DPP10: variants seen among roughly 807,000 people sequenced by gnomAD.
The protein encoded by DPP10 is dipeptidyl peptidase like 10, also known as inactive dipeptidyl peptidase 10.
DPP10 carries 33 observed loss-of-function variants against 120.9 expected under a neutral mutation model. That is an observed-to-expected ratio of 0.27 (90% CI 0.21 to 0.37). The LOEUF (loss-of-function observed/expected upper bound fraction) is 0.37. Among genes scored for constraint, DPP10 ranks in the 10% least tolerant of loss-of-function variants. The pLI is 1.00. For synonymous variants in DPP10, 337 were observed against 326.1 expected (o/e 1.03, Z -0.36); for missense variants, 816 against 942.8 (o/e 0.87, Z 1.76).
chr2:115,739,842 T>A lies in DPP10; in HGVS notation c.801T>A (p.Pro267=). 1 of 1,613,540 alleles carries A rather than the reference T, an allele frequency of 6.2e-7. No individual in the cohort carries two copies. Among genetic ancestry groups the A allele is most frequent in the Non-Finnish European group, 8.5e-7 (1 of 1,179,550 alleles). ...NDSLVPTMVI[P]RFTGALYPKG... is the part of the protein sequence containing the mutation. ...CTTTGGTACCCACCATGGTTATCCC[T>A]CGGTTTACTGGAGCGTTGTATCCCA... is the stretch of plus-strand genomic sequence containing the variant. The change falls in exon 9 of 26, where the codon CCT becomes CCA. Residue 267 remains proline (P), a synonymous_variant. Coordinates refer to ENST00000410059, the MANE Select transcript of DPP10 (RefSeq NM_020868.6).
At chr2:114,528,510 A>G (rs1226660310) in intron 1 of DPP10, among the ~76,000 whole-genome samples, 1 of 151,842 alleles carries the variant, frequency 6.6e-6, no homozygotes, top group African/African-American at 2.4e-5. Context: ...GGACTGCACT[A>G]TTCATTCATG....
intron 1 of DPP10, among the ~76,000 whole-genome samples, chr2:114,730,300 G>A (rs1009758721): frequency 1.3e-5 from 2 of 152,130 alleles, no homozygotes; most frequent in Admixed American, 6.6e-5. Flanking sequence ...GTAGATAATA[G>A]GGCCATCATG....
intron 1 of DPP10, among the ~76,000 whole-genome samples, chr2:115,035,078 G>A (rs552128867): frequency 1.5e-4 from 23 of 152,324 alleles, no homozygotes; most frequent in Middle Eastern, 3.4e-3. Context: ...CTTCCATGCT[G>A]TGCTCCAGTT....
At chr2:115,693,253 G>A (rs892689460) in intron 7 of DPP10, among the ~76,000 whole-genome samples, 14 of 152,100 alleles carry the variant, frequency 9.2e-5, no homozygotes, top group African/African-American at 1.9e-4. Context: ...ATAGAATATG[G>A]TAAATATGAA....
At chr2:114,815,382 G>A (rs1326113762) in intron 1 of DPP10, among the ~76,000 whole-genome samples, 1 of 152,114 alleles carries the variant, frequency 6.6e-6, no homozygotes, top group Admixed American at 6.5e-5. Flanking sequence ...CGTTCTCAAG[G>A]GTCCCTGTCA....
chr2:115,270,066 T>TCACACACACACACACACACA (rs57649162), intron 1 of DPP10, among the ~76,000 whole-genome samples: 1 of 130,642 alleles, frequency 7.7e-6, no homozygotes, highest in Non-Finnish European at 1.6e-5. Context: ...TAGGTATACT[T>TCACACACACACACACACACA]CACACACACA....
chr2:115,766,131 C>G (rs1206092625), intron 12 of DPP10, among the ~76,000 whole-genome samples: 1 of 151,524 alleles, frequency 6.6e-6, no homozygotes, highest in Non-Finnish European at 1.5e-5. Flanking sequence ...GCTTACATTA[C>G]AGAGAACTAC....
At chr2:114,680,470 A>C (rs959020585) in intron 1 of DPP10, among the ~76,000 whole-genome samples, 3 of 151,908 alleles carry the variant, frequency 2.0e-5, no homozygotes, top group Non-Finnish European at 4.4e-5. Flanking sequence ...TTAGAAGTGT[A>C]ATTTATTCCC....
chr2:115,842,390 G>A lies in DPP10; in HGVS notation c.*45G>A. On this transcript the variant is annotated 3_prime_UTR_variant, in exon 26 of 26. Transcript: ENST00000410059. Reference sequence around the variant, plus strand: ...ACTGAAGGGAATATTGAGGCTCAATGAAACCTGACAAAGAGACTGTAATAT... The same window carrying A: ...ACTGAAGGGAATATTGAGGCTCAATAAAACCTGACAAAGAGACTGTAATAT... The A allele has an allele frequency of 6.3e-7, 1 of 1,581,978 alleles. No homozygotes were observed.
At chr2:115,541,614 G>A (rs1458706626) in intron 5 of DPP10, among the ~76,000 whole-genome samples, 1 of 151,874 alleles carries the variant, frequency 6.6e-6, no homozygotes, top group Non-Finnish European at 1.5e-5. Context: ...TAATAACAGA[G>A]CTGGGATCAG....
At position 115,366,344 on chromosome 2, in the gene DPP10, C is replaced by T. The variant is rs867043656; in HGVS notation, c.271+22432C>T. Reference sequence around the variant, plus strand: ...TAGGAACAATTCTACTCATTAATACCACCACTGCTGCTATTGAAATTTTGG... The same window carrying T: ...TAGGAACAATTCTACTCATTAATACTACCACTGCTGCTATTGAAATTTTGG... On this transcript the variant is annotated intron_variant, in intron 3 of 25. Coordinates refer to ENST00000410059, the MANE Select transcript of DPP10 (RefSeq NM_020868.6). 8.6e-5 allele frequency among the ~76,000 whole-genome samples: 13 copies of T among 151,968 alleles called. No homozygotes were observed. The South Asian group carries it at 2.1e-3, about 24-fold the overall frequency.
chr2:115,504,758 T>C (rs1273467282), intron 4 of DPP10, among the ~76,000 whole-genome samples: 1 of 152,114 alleles, frequency 6.6e-6, no homozygotes, highest in Non-Finnish European at 1.5e-5. Context: ...CAAAATTTTC[T>C]GTAAGTTAGA....
At chr2:115,037,261 G>A (rs951402444) in intron 1 of DPP10, among the ~76,000 whole-genome samples, 7 of 152,078 alleles carry the variant, frequency 4.6e-5, no homozygotes, top group East Asian at 1.9e-4. Flanking sequence ...CTAAAAGATC[G>A]TGAAAGGAGG....
At position 115,518,573 on chromosome 2, in the gene DPP10, G is replaced by A. The variant is rs752890481; in HGVS notation, c.367-7325G>A. On this transcript the variant is annotated intron_variant, in intron 4 of 25. Coordinates refer to ENST00000410059, the MANE Select transcript of DPP10 (RefSeq NM_020868.6). ...TAAATATGGGAATTGCAAAGCTTTT[G>A]GTAACCATTATTTTTCTTACACTAG... Among the ~76,000 whole-genome samples the A allele has an allele frequency of 1.8e-4, 27 of 151,728 alleles. No individual in the cohort carries two copies. The Middle Eastern group carries it at 0.014, about 77-fold the overall frequency.
intron 1 of DPP10, among the ~76,000 whole-genome samples, chr2:114,522,428 T>C (rs1187124077): frequency 6.6e-6 from 1 of 152,114 alleles, no homozygotes. Context: ...CCATAGAAGA[T>C]AAATCAAAGA....
At chr2:115,777,062 G>GT (rs1306164963) in intron 13 of DPP10, 146 bp from the exon 14 acceptor site, 1 of 660,796 alleles carries the variant, frequency 1.5e-6, no homozygotes, top group Non-Finnish European at 2.6e-6. Flanking sequence ...AGGAATGCAT[G>GT]TTCATTCTTG....
At chr2:114,646,877 C>T (rs538814989) in intron 1 of DPP10, among the ~76,000 whole-genome samples, 9 of 152,280 alleles carry the variant, frequency 5.9e-5, no homozygotes, top group South Asian at 2.1e-4. Context: ...GGAATTGCCT[C>T]GCTTCCTAAA....
At chr2:114,881,574 ATCTATCTG>A (rs1232479972) in intron 1 of DPP10, among the ~76,000 whole-genome samples, 1 of 90,956 alleles carries the variant, frequency 1.1e-5, no homozygotes, top group Non-Finnish European at 2.5e-5. Flanking sequence ...TCATCTATCT[ATCTATCTG>A]TCTGTCTGTC....
intron 8 of DPP10, among the ~76,000 whole-genome samples, chr2:115,730,991 G>A (rs1167113757): frequency 6.6e-6 from 1 of 152,118 alleles, no homozygotes; most frequent in Non-Finnish European, 1.5e-5. Flanking sequence ...TTGAGGGGGC[G>A]AGGTGGGCAG....
Sources: allele counts gnomAD v4.1 joint callset (sites outside exome capture counted in the v4.1 genomes callset), GRCh38; gene constraint gnomAD v4.1.1; transcripts MANE v1.5; gene names NCBI Gene and HGNC (gene_info 2026-07-23, HGNC 2026-07-21).